Variants in SAMD7 observed in about 807,000 individuals in gnomAD.
SAMD7 encodes sterile alpha motif domain containing 7.
In SAMD7, 34 loss-of-function variants were observed where a neutral mutation model predicts 36.7. The observed-to-expected ratio is 0.93, with a 90% CI of 0.71 to 1.23. The LOEUF (loss-of-function observed/expected upper bound fraction) is 1.23. Among genes scored for constraint, SAMD7 ranks in the 50% most tolerant of loss-of-function variants. The pLI, the probability that SAMD7 is intolerant of heterozygous loss-of-function variation, is 0.00. For synonymous variants in SAMD7, 188 were observed against 189.7 expected (o/e 0.99, Z 0.07); for missense variants, 570 against 546.6 (o/e 1.04, Z -0.43).
chr3:169,919,581 A>T lies in SAMD7; in HGVS notation c.83A>T (p.Asp28Val). The T allele has an allele frequency of 6.2e-7, 1 of 1,606,986 alleles. No individual in the cohort carries two copies. Among genetic ancestry groups the T allele is most frequent in the Non-Finnish European group, 8.5e-7 (1 of 1,173,496 alleles). ...IPSPFGPPTVDRDVLPSTVAP... is the reference protein window; with the variant it reads ...IPSPFGPPTVVRDVLPSTVAP... ...TCACCATTTGGGCCTCCAACTGTGG[A>T]CAGGTATTTCTCTTCAATATAATAG... The change falls in exon 3 of 9, where the codon GAC becomes GTC. Residue 28 changes from aspartate to valine, a missense_variant. By Grantham distance (152) the Asp-to-Val change is radical (BLOSUM62 -3). Coordinates refer to ENST00000335556, the MANE Select transcript of SAMD7 (RefSeq NM_001304366.2).
chr3:169,930,280 G>A (rs1040826931), intron 7 of SAMD7, among the ~76,000 whole-genome samples: 2 of 152,116 alleles, frequency 1.3e-5, no homozygotes, highest in African/African-American at 4.8e-5. Context: ...CCCAAGAAGT[G>A]GTAGCAATTA....
intron 1 of SAMD7, among the ~76,000 whole-genome samples, chr3:169,915,019 A>G (rs1208418861): frequency 2.0e-5 from 3 of 152,174 alleles, no homozygotes; most frequent in Non-Finnish European, 4.4e-5. Flanking sequence ...AAGCACCTGC[A>G]TCTCCCTTTC....
chr3:169,917,514 G>A (rs1712857772), intron 2 of SAMD7, among the ~76,000 whole-genome samples: 1 of 152,012 alleles, frequency 6.6e-6, no homozygotes, highest in South Asian at 2.1e-4. Context: ...GGAATACAGT[G>A]CATAATAATC....
Position 169,921,212 on chromosome 3 carries a change from A to G in SAMD7, c.87-2A>G. 6.2e-7 allele frequency: 1 copy of G among 1,613,476 alleles called. No individual in the cohort carries two copies. Among genetic ancestry groups the G allele is most frequent in the Non-Finnish European group, 8.5e-7 (1 of 1,179,448 alleles). On this transcript the variant is annotated splice_acceptor_variant, in intron 3 of 8. Coordinates refer to ENST00000335556, the MANE Select transcript of SAMD7 (RefSeq NM_001304366.2). LOFTEE classifies it high-confidence loss of function. ...TTTTATTTTATATCTTTTTGTTCTC[A>G]GAGATGTATTGCCTTCCACCGTAGC...
At chr3:169,926,102 A>G in intron 5 of SAMD7, 1 of 419,464 alleles carries the variant, frequency 2.4e-6, no homozygotes, top group Admixed American at 3.4e-5. Context: ...AGTAAGCAAA[A>G]CTACCGAGTC....
intron 3 of SAMD7, among the ~76,000 whole-genome samples, chr3:169,920,606 T>C (rs531474551): frequency 6.6e-6 from 1 of 152,346 alleles, no homozygotes; most frequent in African/African-American, 2.4e-5. Flanking sequence ...GAATTATTTC[T>C]TTTCAATAAA....
intron 2 of SAMD7, among the ~76,000 whole-genome samples, chr3:169,918,559 C>T (rs946652924): frequency 6.6e-6 from 1 of 152,040 alleles, no homozygotes; most frequent in Admixed American, 6.6e-5. Flanking sequence ...AAATGTTATC[C>T]CTTTAACAGT....
Position 169,919,468 on chromosome 3 carries a change from G to C in SAMD7, c.-31G>C. The C allele has an allele frequency of 6.4e-7, 1 of 1,555,678 alleles. No individual in the cohort carries two copies. Among genetic ancestry groups the C allele is most frequent in the Non-Finnish European group, 8.9e-7 (1 of 1,126,658 alleles). ...TCTGGTTCTTTTTAGAACTCCATTAGTGGCGAGAGATATTGAAGACAAACC... is the reference window on the plus strand; with the variant it reads ...TCTGGTTCTTTTTAGAACTCCATTACTGGCGAGAGATATTGAAGACAAACC... On this transcript the variant is annotated 5_prime_UTR_variant, in exon 3 of 9. Transcript: ENST00000335556.
intron 7 of SAMD7, among the ~76,000 whole-genome samples, chr3:169,931,434 C>T (rs963713550): frequency 1.3e-5 from 2 of 151,888 alleles, no homozygotes; most frequent in African/African-American, 4.8e-5. Context: ...AATTTATCCA[C>T]GTGGTTCCTC....
intron 8 of SAMD7, among the ~76,000 whole-genome samples, chr3:169,937,295 A>G (rs1013302235): frequency 5.3e-5 from 8 of 151,792 alleles, no homozygotes; most frequent in Non-Finnish European, 7.4e-5. Flanking sequence ...GTACATGTGC[A>G]GGTTTGTTGC....
At chr3:169,919,786 C>T (rs1712970555) in intron 3 of SAMD7, among the ~76,000 whole-genome samples, 1 of 152,208 alleles carries the variant, frequency 6.6e-6, no homozygotes, top group African/African-American at 2.4e-5. Context: ...GCTTGACCTA[C>T]TCACTCAGCA....
rs982539571 is a variant in SAMD7 at position 169,926,684 on chromosome 3, G to C, written c.422G>C (p.Gly141Ala). ...SVPAAPAAYH[G>A]RSMLPAGDLH... ...CCAGCTGCCCCCGCTGCCTACCATGGCAGGAGCATGCTCCCTGCCGGTGAC... is the reference window on the plus strand; with the variant it reads ...CCAGCTGCCCCCGCTGCCTACCATGCCAGGAGCATGCTCCCTGCCGGTGAC... Residue 141 changes from glycine (G) to alanine (A), a missense_variant, in exon 6 of 9, where the codon GGC becomes GCC. Gly to Ala is a moderately conservative substitution (Grantham distance 60, BLOSUM62 0). Transcript: ENST00000335556. The C allele has an allele frequency of 1.2e-6, 2 of 1,613,808 alleles. No homozygotes were observed. Among genetic ancestry groups the C allele is most frequent in the Admixed American group, 1.7e-5 (1 of 59,978 alleles).
rs1249312295 is a variant in SAMD7 at position 169,926,796 on chromosome 3, G to A, written c.534G>A (p.Gly178=). ...CACCACACTTTGAGGAGAGCTGGGGGCAGAGATGTCGTCGACTCAGGAAAA... is the reference window on the plus strand; with the variant it reads ...CACCACACTTTGAGGAGAGCTGGGGACAGAGATGTCGTCGACTCAGGAAAA... The part of the protein sequence containing the change: ...ATAPHFEESW[G]QRCRRLRKNT... The change falls in exon 6 of 9, where the codon GGG becomes GGA. Residue 178 remains glycine (G), a synonymous_variant. Transcript: ENST00000335556. The A allele has an allele frequency of 1.9e-6, 3 of 1,613,948 alleles. No individual in the cohort carries two copies. The highest frequency in any genetic ancestry group is 2.2e-5 in the East Asian group (1 of 44,874).
chr3:169,931,932 C>G, intron 7 of SAMD7: 2 of 324,986 alleles, frequency 6.2e-6, no homozygotes, highest in Non-Finnish European at 1.1e-5. Context: ...CTAACCATTA[C>G]CACTGCCTCT....
chr3:169,933,852 C>T (rs949344130), intron 7 of SAMD7, among the ~76,000 whole-genome samples: 6 of 152,122 alleles, frequency 3.9e-5, no homozygotes, highest in Non-Finnish European at 5.9e-5. Context: ...TTGTGAAAGG[C>T]GGGTACAGAG....
At chr3:169,916,941 G>A (rs1265074358) in intron 2 of SAMD7, among the ~76,000 whole-genome samples, 1 of 152,164 alleles carries the variant, frequency 6.6e-6, no homozygotes, top group African/African-American at 2.4e-5. Flanking sequence ...CCCAGCCTGT[G>A]TTCTCTGCTG....
In SAMD7 at chr3:169,936,330, T is replaced by C; in HGVS notation, c.1042-9T>C. ...TCAGACAGAGTTAACACCTTTTGTATTTATGAAGGTATTTAAAGATCATGC... is the reference window on the plus strand; with the variant it reads ...TCAGACAGAGTTAACACCTTTTGTACTTATGAAGGTATTTAAAGATCATGC... On this transcript the variant is annotated splice_polypyrimidine_tract_variant and intron_variant, in intron 7 of 8. Coordinates refer to ENST00000335556, the MANE Select transcript of SAMD7 (RefSeq NM_001304366.2). The C allele has an allele frequency of 1.3e-6, 2 of 1,522,260 alleles. No homozygotes were observed. The highest frequency in any genetic ancestry group is 1.8e-6 in the Non-Finnish European group (2 of 1,098,184). 94.3% of individuals were successfully genotyped at this position (1,522,260 alleles called of 1,614,324 possible).
At position 169,934,187 on chromosome 3, in the gene SAMD7, G is replaced by A. The variant is rs114247287; in HGVS notation, c.1042-2152G>A. On this transcript the variant is annotated intron_variant, in intron 7 of 8. Transcript: ENST00000335556. ...GCAGTCAGGTTTTAAGTAGGGAGCG[G>A]CATGGTTAGCTTTATATTGCAGAAA... Among the ~76,000 whole-genome samples, 1,202 of 152,276 alleles carry A rather than the reference G, an allele frequency of 7.9e-3. 11 individuals are homozygous for A. The highest frequency in any genetic ancestry group is 0.027 in the African/African-American group (1,112 of 41,544).
chr3:169,925,531 C>T (rs747231327), intron 5 of SAMD7, among the ~76,000 whole-genome samples: 2 of 152,096 alleles, frequency 1.3e-5, no homozygotes, highest in Non-Finnish European at 2.9e-5. Context: ...TCAAGACCAG[C>T]CTGGCCAAGA....
Sources: gnomAD v4.1 joint callset for allele counts (sites outside exome capture counted in the v4.1 genomes callset) on GRCh38, gnomAD v4.1.1 for gene constraint, MANE v1.5 for transcripts, NCBI Gene and HGNC (gene_info 2026-07-23, HGNC 2026-07-21) for gene names.